SNTG1: variants seen among roughly 807,000 people sequenced by gnomAD.
SNTG1 encodes syntrophin gamma 1, also known as gamma-1-syntrophin.
SNTG1 carries 39 observed loss-of-function variants against 74.7 expected under a neutral mutation model. The ratio of observed to expected loss-of-function variants is 0.52; its 90% CI spans 0.40 to 0.68. The LOEUF (loss-of-function observed/expected upper bound fraction) is 0.68, where lower values mean the gene tolerates loss of function less well. SNTG1 is among the 30% of genes least tolerant of loss of function. The pLI is 0.00. For synonymous variants in SNTG1, 254 were observed against 217.1 expected (o/e 1.17, Z -1.49); for missense variants, 685 against 609.5 (o/e 1.12, Z -1.30).
At chr8:50,556,433 T>TAA (rs2094455947) in intron 12 of SNTG1, among the ~76,000 whole-genome samples, 1 of 152,176 alleles carries the variant, frequency 6.6e-6, no homozygotes, top group South Asian at 2.1e-4. Flanking sequence ...TTATTTTAGG[T>TAA]AAAGTGGACT....
intron 1 of SNTG1, among the ~76,000 whole-genome samples, chr8:50,155,509 T>G (rs2082225717): frequency 1.3e-5 from 2 of 151,976 alleles, no homozygotes; most frequent in African/African-American, 4.8e-5. Flanking sequence ...GGCAAAAAAT[T>G]TTAAGTTATG....
At chr8:50,747,868 A>G (rs1252295892) in intron 17 of SNTG1, 4 of 151,660 alleles carry the variant, frequency 2.6e-5, no homozygotes, top group South Asian at 4.1e-4. Flanking sequence ...CCAGGTAGCT[A>G]GGCCTACAGG....
At chr8:50,175,252 G>A (rs1040309672) in intron 2 of SNTG1, among the ~76,000 whole-genome samples, 1 of 152,100 alleles carries the variant, frequency 6.6e-6, no homozygotes, top group South Asian at 2.1e-4. Context: ...TGGGTCAAAT[G>A]GTATTTCTAG....
intron 1 of SNTG1, among the ~76,000 whole-genome samples, chr8:49,972,151 C>T (rs1811745714): frequency 6.6e-6 from 1 of 152,186 alleles, no homozygotes; most frequent in Non-Finnish European, 1.5e-5. Flanking sequence ...CAGCATGGTA[C>T]TGGTACCAAA....
chr8:50,421,857 G>T lies in SNTG1; in HGVS notation c.163-16686G>T, dbSNP rs1196813375. On this transcript the variant is annotated intron_variant, in intron 4 of 18. Transcript: ENST00000642720. ...CTCAACTTTTCAGTAAGTAATAAAA[G>T]CTTATACACCATCTTGAAATTACAG... 2.6e-5 allele frequency among the ~76,000 whole-genome samples: 4 copies of T among 152,106 alleles called. No homozygotes were observed. In the South Asian group the frequency reaches 6.2e-4, roughly 24 times the overall value.
Position 50,669,678 on chromosome 8 carries a change from C to A in SNTG1, c.1038+11015C>A, listed in dbSNP as rs572276834. Among the ~76,000 whole-genome samples, 229 of 152,242 alleles carry A rather than the reference C, an allele frequency of 1.5e-3. 1 individual carries two copies. Among genetic ancestry groups the A allele is most frequent in the Middle Eastern group, 6.8e-3 (2 of 294 alleles). On this transcript the variant is annotated intron_variant, in intron 15 of 18. Transcript: ENST00000642720. ...TCAATAGAAAAAGAGGGAATCCTCC[C>A]TAACTCATTTTATGAGGCCAGCATC... is the stretch of plus-strand genomic sequence containing the variant.
At chr8:50,593,249 G>A (rs138676263) in intron 13 of SNTG1, among the ~76,000 whole-genome samples, 129 of 152,156 alleles carry the variant, frequency 8.5e-4, no homozygotes, top group South Asian at 2.9e-3. Flanking sequence ...AAGCCACTGC[G>A]GTCCAGCTGA....
At chr8:50,753,098 G>T (rs1450042884) in intron 18 of SNTG1, among the ~76,000 whole-genome samples, 3 of 151,858 alleles carry the variant, frequency 2.0e-5, no homozygotes, top group African/African-American at 7.2e-5. Context: ...TTAGACAAAT[G>T]CCTTGCTAAC....
chr8:50,745,836 A>G (rs1021163831), intron 17 of SNTG1, among the ~76,000 whole-genome samples: 1 of 151,974 alleles, frequency 6.6e-6, no homozygotes, highest in African/African-American at 2.4e-5. Context: ...TCTTAGAGAC[A>G]GGAAGTAGAA....
chr8:50,322,574 C>A (rs1185274593), intron 2 of SNTG1, among the ~76,000 whole-genome samples: 2 of 152,064 alleles, frequency 1.3e-5, no homozygotes, highest in African/African-American at 4.8e-5. Flanking sequence ...TGATATATTT[C>A]TCTAGGTTTG....
chr8:50,207,116 G>T (rs1376785430), intron 2 of SNTG1, among the ~76,000 whole-genome samples: 4 of 152,126 alleles, frequency 2.6e-5, no homozygotes, highest in Non-Finnish European at 5.9e-5. Context: ...TTTTTCTATT[G>T]ATTGGATTAG....
intron 12 of SNTG1, among the ~76,000 whole-genome samples, chr8:50,572,861 T>C (rs528967354): frequency 1.3e-5 from 2 of 152,222 alleles, no homozygotes; most frequent in South Asian, 2.1e-4. Flanking sequence ...CTCTAAAAAA[T>C]TGGAGGAATG....
At chr8:50,373,110 A>C (rs2092305630) in intron 2 of SNTG1, among the ~76,000 whole-genome samples, 5 of 152,214 alleles carry the variant, frequency 3.3e-5, no homozygotes, top group Admixed American at 3.3e-4. Context: ...AATGTAAGTA[A>C]AAATTTTTCC....
intron 1 of SNTG1, among the ~76,000 whole-genome samples, chr8:50,099,230 G>A (rs1244636037): frequency 6.6e-6 from 1 of 152,006 alleles, no homozygotes; most frequent in East Asian, 1.9e-4. Context: ...TCTGCTGCTG[G>A]TCTTTGAGAA....
intron 1 of SNTG1, among the ~76,000 whole-genome samples, chr8:50,002,622 T>G (rs868528262): frequency 1.1e-4 from 17 of 152,244 alleles, no homozygotes; most frequent in Middle Eastern, 6.8e-3. Context: ...TTGCTCAGGT[T>G]TCAATTCTTA....
At chr8:50,016,623 A>C (rs1463761930) in intron 1 of SNTG1, among the ~76,000 whole-genome samples, 1 of 152,134 alleles carries the variant, frequency 6.6e-6, no homozygotes, top group Non-Finnish European at 1.5e-5. Context: ...TTGATGATGC[A>C]AGTTGTCTCT....
chr8:50,511,816 C>A (rs1034146133), intron 9 of SNTG1, among the ~76,000 whole-genome samples: 1 of 152,132 alleles, frequency 6.6e-6, no homozygotes, highest in Non-Finnish European at 1.5e-5. Flanking sequence ...TGTCTCTGCA[C>A]GTGAGGTGGG....
intron 13 of SNTG1, among the ~76,000 whole-genome samples, chr8:50,649,832 A>G (rs1285429941): frequency 6.6e-6 from 1 of 151,962 alleles, no homozygotes; most frequent in Non-Finnish European, 1.5e-5. Context: ...ACTCAGTAAT[A>G]TAATTTATTT....
chr8:49,966,400 A>AT (rs1563406218), intron 1 of SNTG1, among the ~76,000 whole-genome samples: 5 of 151,380 alleles, frequency 3.3e-5, no homozygotes, highest in African/African-American at 1.2e-4. Context: ...TTAATTAATT[A>AT]ATTTTTTTTT....
Sources: allele counts gnomAD v4.1 joint callset (sites outside exome capture counted in the v4.1 genomes callset), GRCh38; gene constraint gnomAD v4.1.1; transcripts MANE v1.5; gene names NCBI Gene and HGNC (gene_info 2026-07-23, HGNC 2026-07-21).